CNTN3: variants seen among roughly 807,000 people sequenced by gnomAD.
CNTN3 encodes the protein contactin-3.
A neutral mutation model predicts 119.1 loss-of-function variants in CNTN3; 60 were observed. The observed-to-expected ratio is 0.50, with a 90% CI of 0.41 to 0.62. CNTN3 has a LOEUF of 0.62. Among genes scored for constraint, CNTN3 ranks in the 20% least tolerant of loss-of-function variants. CNTN3 has a pLI of 0.00. For missense variants in CNTN3, 1,101 were observed against 1,242.4 expected (o/e 0.89, Z 1.71); for synonymous variants, 450 against 438.7 (o/e 1.03, Z -0.32).
intron 5 of CNTN3, among the ~76,000 whole-genome samples, chr3:74,389,119 A>C (rs1424155953): frequency 1.3e-5 from 2 of 152,200 alleles, no homozygotes; most frequent in African/African-American, 4.8e-5. Flanking sequence ...ACTGATCTTT[A>C]TCTCTCAAAT....
At chr3:74,474,362 A>G (rs768886866) in intron 4 of CNTN3, among the ~76,000 whole-genome samples, 2 of 152,176 alleles carry the variant, frequency 1.3e-5, no homozygotes, top group Non-Finnish European at 2.9e-5. Context: ...TTATGGTTTG[A>G]AAACATAAGC....
At chr3:74,518,201 C>G (rs747596163) in intron 2 of CNTN3, among the ~76,000 whole-genome samples, 1 of 151,848 alleles carries the variant, frequency 6.6e-6, no homozygotes. Context: ...ATCCAATATG[C>G]GGAGTAATCA....
At chr3:74,370,528 A>C (rs534673309) in intron 6 of CNTN3, among the ~76,000 whole-genome samples, 2 of 152,276 alleles carry the variant, frequency 1.3e-5, no homozygotes, top group African/African-American at 2.4e-5. Flanking sequence ...TCTTAAACTT[A>C]TTAAATGGCT....
chr3:74,267,673 G>A (rs1701690609), intron 20 of CNTN3: 1 of 299,190 alleles, frequency 3.3e-6, no homozygotes, highest in Middle Eastern at 1.1e-3. Context: ...TTCAATTAAT[G>A]TGTAAGATAA....
intron 8 of CNTN3, among the ~76,000 whole-genome samples, chr3:74,368,671 T>A (rs550015814): frequency 6.6e-6 from 1 of 152,034 alleles, no homozygotes; most frequent in East Asian, 1.9e-4. Context: ...ATAAAAGTGA[T>A]TGCAAATTAA....
intron 1 of CNTN3, among the ~76,000 whole-genome samples, chr3:74,604,063 A>C (rs746952683): frequency 3.9e-5 from 6 of 152,170 alleles, no homozygotes; most frequent in Non-Finnish European, 7.4e-5. Context: ...CACATAATGA[A>C]GAAGGGACAG....
At chr3:74,519,510 T>C (rs1703506931) in intron 2 of CNTN3, among the ~76,000 whole-genome samples, 1 of 151,822 alleles carries the variant, frequency 6.6e-6, no homozygotes, top group African/African-American at 2.4e-5. Context: ...TTTCTAAACA[T>C]GTCTTCCTCT....
intron 1 of CNTN3, among the ~76,000 whole-genome samples, chr3:74,567,807 G>C (rs1365532251): frequency 6.6e-6 from 1 of 152,128 alleles, no homozygotes; most frequent in Non-Finnish European, 1.5e-5. Context: ...AAAGCGCTAG[G>C]AGAATACAAA....
At chr3:74,441,509 T>G (rs138075144) in intron 4 of CNTN3, among the ~76,000 whole-genome samples, 1 of 152,184 alleles carries the variant, frequency 6.6e-6, no homozygotes, top group Non-Finnish European at 1.5e-5. Context: ...AGGATGCTGG[T>G]TGACACATGG....
At chr3:74,587,707 G>A (rs1437000379) in intron 1 of CNTN3, among the ~76,000 whole-genome samples, 2 of 152,044 alleles carry the variant, frequency 1.3e-5, no homozygotes, top group Non-Finnish European at 1.5e-5. Flanking sequence ...GAGACAATGG[G>A]GTTTTCTAGA....
intron 13 of CNTN3, among the ~76,000 whole-genome samples, chr3:74,311,174 T>C (rs1221272807): frequency 6.6e-6 from 1 of 152,164 alleles, no homozygotes; most frequent in African/African-American, 2.4e-5. Context: ...AGAGAATAAA[T>C]TTATACCTCT....
chr3:74,592,188 C>T (rs912226213), intron 1 of CNTN3, among the ~76,000 whole-genome samples: 3 of 151,828 alleles, frequency 2.0e-5, no homozygotes, highest in African/African-American at 4.8e-5. Flanking sequence ...CATTAAGAAA[C>T]TGCTTGTGAT....
chr3:74,539,462 C>A (rs1048403010), intron 1 of CNTN3, among the ~76,000 whole-genome samples: 2 of 152,008 alleles, frequency 1.3e-5, no homozygotes, highest in African/African-American at 4.8e-5. Flanking sequence ...AAGTGATTTG[C>A]CCACCATCAC....
At chr3:74,266,451 T>A (rs1267134438) in intron 22 of CNTN3, 30 bp downstream of exon 22, 1 of 1,602,970 alleles carries the variant, frequency 6.2e-7, no homozygotes, top group Non-Finnish European at 8.5e-7. Flanking sequence ...CTGATGTCAA[T>A]AAAGTAAATA....
chr3:74,526,739 C>A (rs1703625098), intron 1 of CNTN3, among the ~76,000 whole-genome samples: 1 of 151,832 alleles, frequency 6.6e-6, no homozygotes, highest in Non-Finnish European at 1.5e-5. Flanking sequence ...GAACAATGGA[C>A]AAACAGGGTG....
chr3:74,408,482 C>T (rs1314151553), intron 5 of CNTN3, among the ~76,000 whole-genome samples: 1 of 152,104 alleles, frequency 6.6e-6, no homozygotes, highest in African/African-American at 2.4e-5. Context: ...ATTCTTTTAA[C>T]TGAGATTTGG....
At chr3:74,538,469 A>G (rs1278799622) in intron 1 of CNTN3, among the ~76,000 whole-genome samples, 1 of 152,094 alleles carries the variant, frequency 6.6e-6, no homozygotes, top group East Asian at 1.9e-4. Flanking sequence ...TCAGAGATCT[A>G]TTATTTTACT....
intron 4 of CNTN3, among the ~76,000 whole-genome samples, chr3:74,451,452 C>T (rs1702153684): frequency 2.0e-5 from 3 of 152,032 alleles, no homozygotes; most frequent in African/African-American, 7.2e-5. Flanking sequence ...AATTTTCTCC[C>T]ATTTTGTGGG....
At chr3:74,543,736 T>C (rs577709689) in intron 1 of CNTN3, among the ~76,000 whole-genome samples, 1 of 152,164 alleles carries the variant, frequency 6.6e-6, no homozygotes, top group African/African-American at 2.4e-5. Flanking sequence ...GAGCAATATA[T>C]AGTCAAACAA....
Sources: gnomAD v4.1 joint callset for allele counts (sites outside exome capture counted in the v4.1 genomes callset) on GRCh38, gnomAD v4.1.1 for gene constraint, MANE v1.5 for transcripts, NCBI Gene and HGNC (gene_info 2026-07-23, HGNC 2026-07-21) for gene names.